MYOM3: variants seen among roughly 807,000 people sequenced by gnomAD.
The protein encoded by MYOM3 is myomesin 3, also known as myomesin-3.
Under a neutral mutation model 191.7 loss-of-function variants are expected in MYOM3, and 155 were observed. The ratio of observed to expected loss-of-function variants is 0.81; its 90% CI spans 0.71 to 0.92. The LOEUF is 0.92. Among genes scored for constraint, MYOM3 ranks in the 40% least tolerant of loss-of-function variants. The pLI is 0.00. For missense variants in MYOM3, 1,889 were observed against 1,890.6 expected (o/e 1.00, Z 0.02); for synonymous variants, 757 against 762.9 (o/e 0.99, Z 0.13).
At chr1:24,104,554 C>A (rs544966691) in intron 5 of MYOM3, among the ~76,000 whole-genome samples, 1 of 152,264 alleles carries the variant, frequency 6.6e-6, no homozygotes, top group Admixed American at 6.5e-5. Flanking sequence ...CGGCTCACTG[C>A]AACCTCCGCC....
intron 21 of MYOM3, 91 bp downstream of exon 21, chr1:24,076,068 G>A: frequency 1.0e-5 from 10 of 982,046 alleles, no homozygotes; most frequent in Non-Finnish European, 1.6e-5. Context: ...GCCTAGCACA[G>A]CATCAGGCTT....
At chr1:24,092,897 C>A (rs755237604) in intron 10 of MYOM3, 50 bp downstream of exon 10, 80 of 1,442,458 alleles carry the variant, frequency 5.5e-5, no homozygotes, top group Non-Finnish European at 6.7e-5. Context: ...AGGGGCAGAG[C>A]CCTGGTCTCT....
At position 24,082,076 on chromosome 1, in the gene MYOM3, G is replaced by T; in HGVS notation, c.2205C>A (p.Phe735Leu). 2 of 1,612,562 alleles carry T rather than the reference G, an allele frequency of 1.2e-6. No homozygotes were observed. The highest frequency in any genetic ancestry group is 1.7e-6 in the Non-Finnish European group (2 of 1,179,808). ...GCTCTTCCGAGTCATGCTGGTCCAG[G>T]AAGTAGCCCAGGATCTTGCCACCTC... ...RRGGGKILGYFLDQHDSEELD... is the reference protein window; with the variant it reads ...RRGGGKILGYLLDQHDSEELD... The change falls in exon 18 of 37, where the codon TTC becomes TTA. Residue 735 changes from phenylalanine (F) to leucine (L), a missense_variant. Physicochemically the swap from Phe to Leu is conservative, Grantham distance 22. Coordinates refer to ENST00000374434, the MANE Select transcript of MYOM3 (RefSeq NM_152372.4).
chr1:24,079,202 C>T (rs1451097941), intron 20 of MYOM3, among the ~76,000 whole-genome samples: 1 of 151,956 alleles, frequency 6.6e-6, no homozygotes, highest in Non-Finnish European at 1.5e-5. Context: ...CGTAGGTCCA[C>T]CTCATTCTTT....
At chr1:24,086,589 G>A (rs894932665) in intron 15 of MYOM3, 55 bp downstream of exon 15, 5 of 1,565,614 alleles carry the variant, frequency 3.2e-6, no homozygotes, top group Non-Finnish European at 4.3e-6. Flanking sequence ...GCAGCTTCAG[G>A]TCCTGAGCCT....
chr1:24,107,341 G>A (rs934459927), intron 3 of MYOM3, 109 bp from the exon 4 acceptor site: 5 of 1,012,084 alleles, frequency 4.9e-6, no homozygotes, highest in Non-Finnish European at 4.2e-6. Context: ...TTAAACTTTT[G>A]GAGGACATGC....
chr1:24,057,377 A>T lies in MYOM3; in HGVS notation c.4301T>A (p.Leu1434Gln), dbSNP rs1557598213. ...GGACACACGCTGTCACATGCTCTTC[A>T]GCTCCTTGGGCTCGTCCCCGTGCTT... Reference protein sequence around the residue: ...VFKHGDEPKELKSM With the variant: ...VFKHGDEPKEQKSM The change falls in exon 37 of 37, where the codon CTG (leucine) becomes CAG (glutamine). Residue 1434 changes from leucine to glutamine, a missense_variant. Physicochemically the swap from Leu to Gln is moderately radical, Grantham distance 113. Coordinates refer to ENST00000374434, the MANE Select transcript of MYOM3 (RefSeq NM_152372.4). The T allele has an allele frequency of 1.2e-6, 2 of 1,613,366 alleles. No individual in the cohort carries two copies. Among genetic ancestry groups the T allele is most frequent in the Non-Finnish European group, 8.5e-7 (1 of 1,179,916 alleles).
intron 5 of MYOM3, among the ~76,000 whole-genome samples, chr1:24,104,309 C>T (rs1301768769): frequency 1.3e-5 from 2 of 152,208 alleles, no homozygotes; most frequent in Admixed American, 6.5e-5. Flanking sequence ...CATAGGCAAC[C>T]TCTTCTGAGA....
rs142775095 is a variant in MYOM3 at position 24,087,380 on chromosome 1, T to C, written c.1615-553A>G. Among the ~76,000 whole-genome samples the C allele has an allele frequency of 1.8e-4, 28 of 152,280 alleles. No homozygotes were observed. The East Asian group carries it at 4.5e-3, about 24-fold the overall frequency. ...ATCAGGGGGATCCTTTTATAGCACG[T>C]GTCAGACCAGGTCCCTGTCTGCCCA... On this transcript the variant is annotated intron_variant, in intron 14 of 36. Coordinates refer to ENST00000374434, the MANE Select transcript of MYOM3 (RefSeq NM_152372.4). This position sits in a 1 kb window ranked among gnomAD's most constrained non-coding sequence, Gnocchi z 4.5.
At chr1:24,086,935 T>G in intron 14 of MYOM3, 108 bp from the exon 15 acceptor site, 1 of 1,210,914 alleles carries the variant, frequency 8.3e-7, no homozygotes, top group Non-Finnish European at 1.2e-6. Flanking sequence ...CATGATCCTC[T>G]ATACTCAGCC....
At position 24,084,490 on chromosome 1, in the gene MYOM3, T is replaced by C. The variant is rs558997310; in HGVS notation, c.1948A>G (p.Asn650Asp). ...TACCTGGTGCCTTGGATGGGTTTGT[T>C]GTTAACTGTTTGCCACTCAGATGTC... ...VGTSEWQTVN[N>D]KPIQGTRFTV... The change falls in exon 16 of 37, where the codon AAC becomes GAC. Residue 650 changes from asparagine (N) to aspartate (D), a missense_variant. Transcript: ENST00000374434. 1 of 1,614,182 alleles carries C rather than the reference T, an allele frequency of 6.2e-7. No individual in the cohort carries two copies. Among genetic ancestry groups the C allele is most frequent in the African/African-American group, 1.3e-5 (1 of 75,038 alleles).
chr1:24,093,697 C>T (rs1643863921), intron 9 of MYOM3, among the ~76,000 whole-genome samples: 1 of 151,988 alleles, frequency 6.6e-6, no homozygotes, highest in Admixed American at 6.5e-5. Flanking sequence ...TCTCTTTGCC[C>T]CATGTGAAGG....
At chr1:24,078,067 C>T (rs1643622871) in intron 20 of MYOM3, among the ~76,000 whole-genome samples, 1 of 152,080 alleles carries the variant, frequency 6.6e-6, no homozygotes, top group Non-Finnish European at 1.5e-5. Flanking sequence ...GCGCCCCTGG[C>T]AGGCTCTCCC....
intron 25 of MYOM3, among the ~76,000 whole-genome samples, chr1:24,069,909 C>CAA (rs879386927): frequency 0.059 from 8,928 of 152,176 alleles, 819 homozygotes; most frequent in African/African-American, 0.19. Context: ...CCCGCCCAGC[C>CAA]ACAACACGTA....
In MYOM3 at chr1:24,088,076, G is replaced by A. The variant is rs555791270; in HGVS notation, c.1615-1249C>T. Among the ~76,000 whole-genome samples the A allele has an allele frequency of 1.3e-3, 192 of 152,296 alleles. 3 individuals are homozygous for A. In the South Asian group the frequency reaches 0.036, roughly 29 times the overall value. On this transcript the variant is annotated intron_variant, in intron 14 of 36. Transcript: ENST00000374434. ...CCTGTTTACTCTCCACAGCATCAGGGACCCAGAAGGCAGCCAGAAACCCCG... is the reference window on the plus strand; with the variant it reads ...CCTGTTTACTCTCCACAGCATCAGGAACCCAGAAGGCAGCCAGAAACCCCG...
chr1:24,063,908 C>T lies in MYOM3; in HGVS notation c.3622+164G>A, dbSNP rs1643402969. The T allele has an allele frequency of 1.4e-5, 9 of 628,116 alleles. No individual in the cohort carries two copies. The highest frequency in any genetic ancestry group is 5.5e-5 in the East Asian group (2 of 36,174). 38.9% of individuals were successfully genotyped at this position (628,116 alleles called of 1,614,324 possible). On this transcript the variant is annotated intron_variant, in intron 30 of 36. Transcript: ENST00000374434. The surrounding 1 kb of genome is among the most constrained non-coding windows in gnomAD (Gnocchi z 4.5). Reference sequence around the variant, plus strand: ...GCATCGGAGTCACACCGACCTGGCTCCTGCCACTGACTAGATGTGGAATCT... The same window carrying T: ...GCATCGGAGTCACACCGACCTGGCTTCTGCCACTGACTAGATGTGGAATCT...
rs2148553804 is a variant in MYOM3 at position 24,086,652 on chromosome 1, C to T, written c.1790G>A (p.Gly597Asp). The T allele has an allele frequency of 6.2e-7, 1 of 1,613,406 alleles. No individual in the cohort carries two copies. Among genetic ancestry groups the T allele is most frequent in the Non-Finnish European group, 8.5e-7 (1 of 1,179,630 alleles). Residue 597 changes from glycine to aspartate, a missense_variant, in exon 15 of 37, where the codon GGC becomes GAC. By Grantham distance (94) the Gly-to-Asp change is moderately conservative. Coordinates refer to ENST00000374434, the MANE Select transcript of MYOM3 (RefSeq NM_152372.4). ...CGGCATCAGGAGGGTACCTGGCGGG[C>T]CCCGCAAGGCGATGGGTTCGCTGGG... ...SEPSEPIALR[G>D]PPATLPPPAQ... is the part of the protein sequence containing the mutation.
At chr1:24,088,649 A>T (rs1198503305) in intron 14 of MYOM3, among the ~76,000 whole-genome samples, 1 of 152,216 alleles carries the variant, frequency 6.6e-6, no homozygotes, top group African/African-American at 2.4e-5. Context: ...TTGGATAATC[A>T]GAGCCAGAGA....
Position 24,074,221 on chromosome 1 carries a change from G to A in MYOM3, c.2907C>T (p.Tyr969=), listed in dbSNP as rs376088182. Residue 969 remains tyrosine, a synonymous_variant, in exon 23 of 37, where the codon TAC becomes TAT. Coordinates refer to ENST00000374434, the MANE Select transcript of MYOM3 (RefSeq NM_152372.4). ...KEPGLEDLGT[Y]SVIVTDADED... ...CATCGGCATCAGTGACTATGACTGAGTAGGTGCCCAAATCCTCGAGGCCGG... is the reference window on the plus strand; with the variant it reads ...CATCGGCATCAGTGACTATGACTGAATAGGTGCCCAAATCCTCGAGGCCGG... 8.1e-6 allele frequency: 13 copies of A among 1,614,158 alleles called. No homozygotes were observed. Among genetic ancestry groups the A allele is most frequent in the Non-Finnish European group, 1.1e-5 (13 of 1,180,012 alleles).
Sources: allele counts gnomAD v4.1 joint callset (sites outside exome capture counted in the v4.1 genomes callset), GRCh38; gene constraint gnomAD v4.1.1; non-coding constraint Gnocchi (gnomAD v3.1); transcripts MANE v1.5; gene names NCBI Gene and HGNC (gene_info 2026-07-23, HGNC 2026-07-21).